The following BIN1 variants were observed in gnomAD, a reference collection of about 807,000 sequenced individuals.
BIN1 encodes bridging integrator 1.
A neutral mutation model predicts 82.0 loss-of-function variants in BIN1; 53 were observed. The observed-to-expected ratio is 0.65, with a 90% CI of 0.52 to 0.81. BIN1 has a LOEUF of 0.81. BIN1 is among the 40% of genes least tolerant of loss of function. The pLI, the probability that BIN1 is intolerant of heterozygous loss-of-function variation, is 0.00. For missense variants in BIN1, 642 were observed against 784.4 expected (o/e 0.82, Z 2.17); for synonymous variants, 302 against 328.0 (o/e 0.92, Z 0.86).
intron 1 of BIN1, among the ~76,000 whole-genome samples, chr2:127,104,952 C>G (rs1446444091): frequency 6.6e-6 from 1 of 152,210 alleles, no homozygotes; most frequent in South Asian, 2.1e-4. Flanking sequence ...CACTAAACAA[C>G]TCCAGTCCCA....
chr2:127,092,636 C>A (rs954658587), intron 1 of BIN1, among the ~76,000 whole-genome samples: 1 of 152,206 alleles, frequency 6.6e-6, no homozygotes, highest in African/African-American at 2.4e-5. Flanking sequence ...TGACCCGCAG[C>A]CCCGGGCAAG....
At chr2:127,100,755 T>C (rs1280746177) in intron 1 of BIN1, among the ~76,000 whole-genome samples, 1 of 152,006 alleles carries the variant, frequency 6.6e-6, no homozygotes, top group African/African-American at 2.4e-5. Flanking sequence ...CTTTAGGAGG[T>C]GGCAGCCTCT....
rs1417628295 is a variant in BIN1 at position 127,082,725 on chromosome 2, G to A, written c.85-6019C>T. Among the ~76,000 whole-genome samples, 6 of 152,018 alleles carry A rather than the reference G, an allele frequency of 3.9e-5. No homozygotes were observed. Among genetic ancestry groups the A allele is most frequent in the Non-Finnish European group, 8.8e-5 (6 of 68,024 alleles). ...CATCTCTCAAATGCGAGCTGTCCCT[G>A]CAACCAGACACACAGGACCCCTCTC... On this transcript the variant is annotated intron_variant, in intron 1 of 18. Coordinates refer to ENST00000316724, the MANE Select transcript of BIN1 (RefSeq NM_139343.3). The surrounding 1 kb of genome is among the most constrained non-coding windows in gnomAD (Gnocchi z 6.1).
rs1687431503 is a variant in BIN1, at chr2:127,082,552, C to T, written c.85-5846G>A. On this transcript the variant is annotated intron_variant, in intron 1 of 18. Coordinates refer to ENST00000316724, the MANE Select transcript of BIN1 (RefSeq NM_139343.3). This position sits in a 1 kb window ranked among gnomAD's most constrained non-coding sequence, Gnocchi z 6.1. ...CTCTCCTGCCCCAAGATGCTGCCTG[C>T]TGTCTGACACATCAGGCTGGGGTGG... 6.6e-6 allele frequency among the ~76,000 whole-genome samples: 1 copy of T among 152,142 alleles called. No individual in the cohort carries two copies. Among genetic ancestry groups the T allele is most frequent in the African/African-American group, 2.4e-5 (1 of 41,416 alleles).
In BIN1 at chr2:127,092,191, C is replaced by T. The variant is rs77444313; in HGVS notation, c.84+14669G>A. On this transcript the variant is annotated intron_variant, in intron 1 of 18. Transcript: ENST00000316724. Reference sequence around the variant, plus strand: ...AATGTTCAGGGGAGCAGAGGGGCTCCGGGCTTCCTCCCCCTAACCCTGCCC... The same window carrying T: ...AATGTTCAGGGGAGCAGAGGGGCTCTGGGCTTCCTCCCCCTAACCCTGCCC... Among the ~76,000 whole-genome samples, 1,182 of 152,258 alleles carry T rather than the reference C, an allele frequency of 7.8e-3. 18 individuals carry two copies. The highest frequency in any genetic ancestry group is 0.027 in the African/African-American group (1,105 of 41,536).
intron 1 of BIN1, among the ~76,000 whole-genome samples, chr2:127,100,395 G>C (rs1473933932): frequency 6.6e-6 from 1 of 152,182 alleles, no homozygotes; most frequent in Non-Finnish European, 1.5e-5. Context: ...GCTTTATGCA[G>C]GGAGTCCGCT....
intron 8 of BIN1, 126 bp downstream of exon 8, chr2:127,063,807 G>A (rs1254839884): frequency 3.5e-6 from 5 of 1,426,284 alleles, no homozygotes; most frequent in South Asian, 1.2e-5. Context: ...CACACAGGCT[G>A]GGCACCGCAG....
rs906398142 is a variant in BIN1, at chr2:127,082,420, G to A, written c.85-5714C>T. ...GAGGCCTTGCAGGCACTCAGCTGGG[G>A]ATACCAGGGACATCGCAGGACAAGT... On this transcript the variant is annotated intron_variant, in intron 1 of 18. Coordinates refer to ENST00000316724, the MANE Select transcript of BIN1 (RefSeq NM_139343.3). The surrounding 1 kb of genome is among the most constrained non-coding windows in gnomAD (Gnocchi z 6.1). Among the ~76,000 whole-genome samples the A allele has an allele frequency of 2.0e-5, 3 of 152,164 alleles. No homozygotes were observed. Among genetic ancestry groups the A allele is most frequent in the Non-Finnish European group, 2.9e-5 (2 of 68,016 alleles).
intron 1 of BIN1, 142 bp from the exon 2 acceptor site, chr2:127,076,848 G>A (rs1686680078): frequency 1.1e-6 from 1 of 898,348 alleles, no homozygotes; most frequent in Non-Finnish European, 1.8e-6. Context: ...CCCACCCAGG[G>A]CTGCAATCCC....
intron 15 of BIN1, 57 bp from the exon 16 acceptor site, chr2:127,051,300 A>T (rs1036943357): frequency 1.9e-6 from 3 of 1,581,108 alleles, no homozygotes; most frequent in Admixed American, 3.4e-5. Flanking sequence ...GCCAGGACAC[A>T]GGAAACAGGC....
intron 5 of BIN1, among the ~76,000 whole-genome samples, chr2:127,069,504 T>G (rs1333483017): frequency 6.6e-6 from 1 of 152,126 alleles, no homozygotes; most frequent in Admixed American, 6.5e-5. Context: ...CCAGAGACAC[T>G]GCCAGCTCCG....
chr2:127,074,367 C>T (rs886331231), intron 2 of BIN1, among the ~76,000 whole-genome samples: 27 of 152,192 alleles, frequency 1.8e-4, no homozygotes, highest in Non-Finnish European at 2.6e-4. Context: ...AACCACCACC[C>T]CAACTACCAG....
intron 1 of BIN1, among the ~76,000 whole-genome samples, chr2:127,105,848 G>T (rs1227998654): frequency 1.3e-5 from 2 of 152,346 alleles, no homozygotes; most frequent in African/African-American, 4.8e-5. Flanking sequence ...GCACTGGGGG[G>T]CCACCCTGGC....
chr2:127,105,467 C>CCCCCCTCCT (rs1387479075), intron 1 of BIN1, among the ~76,000 whole-genome samples: 2 of 55,772 alleles, frequency 3.6e-5, no homozygotes, highest in African/African-American at 1.1e-4. Flanking sequence ...GGGCTTTAAT[C>CCCCCCTCCT]CCTCCTCCTC....
At chr2:127,096,005 G>C (rs1573791729) in intron 1 of BIN1, among the ~76,000 whole-genome samples, 2 of 152,182 alleles carry the variant, frequency 1.3e-5, no homozygotes, top group East Asian at 3.9e-4. Flanking sequence ...ACTGAGGCTT[G>C]GTGGCCCACC....
chr2:127,058,959 C>T (rs370886876), intron 11 of BIN1, 52 bp downstream of exon 11: 26 of 1,548,898 alleles, frequency 1.7e-5, no homozygotes, highest in East Asian at 1.2e-4. Flanking sequence ...ACAGCAAAGC[C>T]GGAGGAGAAG....
intron 1 of BIN1, among the ~76,000 whole-genome samples, chr2:127,104,272 T>G (rs1040872742): frequency 6.6e-6 from 1 of 152,224 alleles, no homozygotes; most frequent in Non-Finnish European, 1.5e-5. Context: ...CACCTGGATG[T>G]GCCCTGCCGT....
chr2:127,072,259 C>G (rs913498147), intron 2 of BIN1, among the ~76,000 whole-genome samples: 4 of 152,266 alleles, frequency 2.6e-5, no homozygotes, highest in Admixed American at 2.0e-4. Flanking sequence ...CTGAAACCCT[C>G]TTCTGTCTCC....
Position 127,052,284 on chromosome 2 carries a change from T to C in BIN1, c.1342A>G (p.Ser448Gly). ...AEGTFAVSWP[S>G]QTAEPGPAQP... Reference sequence around the variant, plus strand: ...GCAGGCCCCGGCTCGGCCGTCTGGCTGGGCCAGGACACAGCAAAGGTGCCC... The same window carrying C: ...GCAGGCCCCGGCTCGGCCGTCTGGCCGGGCCAGGACACAGCAAAGGTGCCC... Residue 448 changes from serine to glycine, a missense_variant, in exon 15 of 19, where the codon AGC becomes GGC. By Grantham distance (56) the Ser-to-Gly change is moderately conservative (BLOSUM62 0). Transcript: ENST00000316724. 6.3e-7 allele frequency: 1 copy of C among 1,582,624 alleles called. No homozygotes were observed. The highest frequency in any genetic ancestry group is 1.2e-5 in the South Asian group (1 of 86,584).
Sources: allele counts gnomAD v4.1 joint callset (sites outside exome capture counted in the v4.1 genomes callset), GRCh38; gene constraint gnomAD v4.1.1; non-coding constraint Gnocchi (gnomAD v3.1); transcripts MANE v1.5; gene names NCBI Gene and HGNC (gene_info 2026-07-23, HGNC 2026-07-21).